The following GADL1 variants were observed in gnomAD, a reference collection of about 807,000 sequenced individuals.
GADL1 encodes acidic amino acid decarboxylase GADL1.
In GADL1, 71 loss-of-function variants were observed where a neutral mutation model predicts 69.5. The ratio of observed to expected loss-of-function variants is 1.02; its 90% CI spans 0.84 to 1.25. The LOEUF (loss-of-function observed/expected upper bound fraction) is 1.25. Among genes scored for constraint, GADL1 ranks in the 50% most tolerant of loss-of-function variants. The pLI is 0.00. For synonymous variants in GADL1, 254 were observed against 214.4 expected (o/e 1.18, Z -1.62); for missense variants, 737 against 631.8 (o/e 1.17, Z -1.79).
chr3:30,805,766 A>C (rs1371044303), intron 11 of GADL1, among the ~76,000 whole-genome samples: 1 of 89,810 alleles, frequency 1.1e-5, no homozygotes, highest in Non-Finnish European at 1.9e-5. Flanking sequence ...TTTGGGCACC[A>C]GGGACCAGTG....
Position 30,759,981 on chromosome 3 carries a change from G to GC in GADL1, c.1392+18197dup, listed in dbSNP as rs529130228. ...ATTCACGGAGCCACAGCCACTGCCA[G>GC]CCAAGTCCAGCCTAAATTAGCTACC... On this transcript the variant is annotated intron_variant, in intron 14 of 14. Transcript: ENST00000282538. 9.8e-5 allele frequency among the ~76,000 whole-genome samples: 15 copies of GC among 152,308 alleles called. No individual in the cohort carries two copies. The South Asian group carries it at 2.9e-3, about 29-fold the overall frequency.
At chr3:30,844,778 C>T (rs1199147386) in intron 6 of GADL1, among the ~76,000 whole-genome samples, 1 of 152,082 alleles carries the variant, frequency 6.6e-6, no homozygotes, top group Non-Finnish European at 1.5e-5. Flanking sequence ...TCCATCTGCT[C>T]GTGCTAGACA....
chr3:30,802,579 T>C (rs1697184870), intron 11 of GADL1, among the ~76,000 whole-genome samples: 1 of 152,208 alleles, frequency 6.6e-6, no homozygotes, highest in Admixed American at 6.5e-5. Context: ...CTAATCAGCT[T>C]GTGCTAATTA....
chr3:30,844,389 T>A lies in GADL1; in HGVS notation c.729A>T (p.Gly243=). The A allele has an allele frequency of 3.7e-6, 6 of 1,611,306 alleles. No homozygotes were observed. The highest frequency in any genetic ancestry group is 5.1e-6 in the Non-Finnish European group (6 of 1,177,458). ...TENVCFVETD[G]RGKMIPEELE... ...CTTCCAGATCCTGTTCCCATTACCTTCCATCTGTTTCCACAAAGCAAACAT... is the reference window on the plus strand; with the variant it reads ...CTTCCAGATCCTGTTCCCATTACCTACCATCTGTTTCCACAAAGCAAACAT... Residue 243 remains glycine, a splice_region_variant and synonymous_variant, in exon 7 of 15, where the codon GGA becomes GGT. Transcript: ENST00000282538.
intron 13 of GADL1, among the ~76,000 whole-genome samples, 193 bp from the exon 14 acceptor site, chr3:30,778,461 C>T (rs1353994651): frequency 2.0e-5 from 3 of 152,100 alleles, no homozygotes; most frequent in African/African-American, 7.2e-5. Context: ...TACTCCATAG[C>T]GTGCACCTAG....
chr3:30,890,525 C>A (rs1698772956), intron 1 of GADL1, among the ~76,000 whole-genome samples: 1 of 152,160 alleles, frequency 6.6e-6, no homozygotes, highest in African/African-American at 2.4e-5. Context: ...ATGCCAGTGA[C>A]CAAAATCCTT....
At chr3:30,794,141 C>A (rs1001420266) in intron 12 of GADL1, among the ~76,000 whole-genome samples, 2 of 152,278 alleles carry the variant, frequency 1.3e-5, no homozygotes, top group South Asian at 2.1e-4. Flanking sequence ...AACTGCTCAC[C>A]TTTTCCATAC....
chr3:30,744,048 C>T (rs1042441361), intron 14 of GADL1, among the ~76,000 whole-genome samples: 5 of 152,120 alleles, frequency 3.3e-5, no homozygotes, highest in Admixed American at 2.6e-4. Flanking sequence ...GTATTATAAA[C>T]CATTGAGATT....
rs377721324 is a variant in GADL1, at chr3:30,727,084, GTA to G, written c.*1156_*1157del. The G allele has an allele frequency of 1.1e-4, 17 of 148,204 alleles. No individual in the cohort carries two copies. In the East Asian group the frequency reaches 2.0e-3, roughly 17 times the overall value. The allele number at this position is 148,204 out of a possible 1,614,324, so 9.2% of individuals were successfully genotyped here. On this transcript the variant is annotated 3_prime_UTR_variant, in exon 15 of 15. Transcript: ENST00000282538. ...GAGGAACACAGAAACATATATGTGT[GTA>G]TATATATATATACTATACACACACA...
chr3:30,881,251 CCTAT>C (rs749990482), intron 1 of GADL1, among the ~76,000 whole-genome samples: 73 of 152,060 alleles, frequency 4.8e-4, no homozygotes, highest in African/African-American at 1.5e-3. Flanking sequence ...ATGCAAGCTT[CCTAT>C]CTGACAAAAT....
At chr3:30,856,136 A>T (rs889863793) in intron 3 of GADL1, among the ~76,000 whole-genome samples, 2 of 152,196 alleles carry the variant, frequency 1.3e-5, no homozygotes, top group Non-Finnish European at 2.9e-5. Context: ...TGAGTTTTTG[A>T]TACATACACC....
intron 8 of GADL1, among the ~76,000 whole-genome samples, chr3:30,842,132 C>A (rs921145939): frequency 6.6e-6 from 1 of 152,078 alleles, no homozygotes; most frequent in Non-Finnish European, 1.5e-5. Context: ...ACGTATCAAC[C>A]AAATGCAATT....
chr3:30,850,677 T>C (rs1402519009), intron 5 of GADL1, among the ~76,000 whole-genome samples, 158 bp downstream of exon 5: 1 of 152,162 alleles, frequency 6.6e-6, no homozygotes, highest in Non-Finnish European at 1.5e-5. Flanking sequence ...ATACAAAATA[T>C]TATCACTCTG....
chr3:30,754,860 A>ACTT (rs1553635785), intron 14 of GADL1, among the ~76,000 whole-genome samples: 140 of 151,908 alleles, frequency 9.2e-4, no homozygotes, highest in Non-Finnish European at 1.6e-3. Context: ...CAGGGCACTG[A>ACTT]TTTTTTTTCT....
chr3:30,787,131 G>A (rs1021913308), intron 12 of GADL1, among the ~76,000 whole-genome samples: 15 of 152,070 alleles, frequency 9.9e-5, no homozygotes, highest in East Asian at 5.8e-4. Context: ...GCAGCCAACC[G>A]TGGTACATGT....
chr3:30,775,644 A>C (rs1027351280), intron 14 of GADL1, among the ~76,000 whole-genome samples: 1 of 152,180 alleles, frequency 6.6e-6, no homozygotes, highest in Non-Finnish European at 1.5e-5. Context: ...CCATGGTTGT[A>C]AATGGCAGAA....
chr3:30,889,084 T>TTAAA (rs747921613), intron 1 of GADL1, among the ~76,000 whole-genome samples: 2 of 32,916 alleles, frequency 6.1e-5, no homozygotes, highest in Non-Finnish European at 1.3e-4. Context: ...CGGTAATCTA[T>TTAAA]AAAAAAAAAA....
chr3:30,857,164 A>G, intron 2 of GADL1, 23 bp from the exon 3 acceptor site: 1 of 1,548,006 alleles, frequency 6.5e-7, no homozygotes, highest in Non-Finnish European at 8.7e-7. Flanking sequence ...CCACAACACA[A>G]ATTGAGTATC....
intron 1 of GADL1, among the ~76,000 whole-genome samples, chr3:30,862,474 G>A (rs764861850): frequency 2.0e-5 from 3 of 151,992 alleles, no homozygotes; most frequent in Admixed American, 6.6e-5. Context: ...TATAATTAAG[G>A]TAGCAAGCTT....
Sources: gnomAD v4.1 joint callset for allele counts (sites outside exome capture counted in the v4.1 genomes callset) on GRCh38, gnomAD v4.1.1 for gene constraint, MANE v1.5 for transcripts, NCBI Gene and HGNC (gene_info 2026-07-23, HGNC 2026-07-21) for gene names.